Variants in WWOX observed in about 807,000 individuals in gnomAD.
WWOX encodes the protein WW domain containing oxidoreductase, also known as WW domain-containing oxidoreductase.
Under a neutral mutation model 46.2 loss-of-function variants are expected in WWOX, and 69 were observed. The observed-to-expected ratio is 1.49, with a 90% CI of 1.23 to 1.82. WWOX has a LOEUF of 1.82. Ranked by LOEUF, WWOX falls within the 40% of genes most tolerant of loss-of-function variation. WWOX has a pLI of 0.00. For synonymous variants in WWOX, 359 were observed against 202.6 expected (o/e 1.77, Z -6.56); for missense variants, 919 against 542.6 (o/e 1.69, Z -6.89).
chr16:78,394,922 A>T (rs138904386), intron 6 of WWOX, among the ~76,000 whole-genome samples: 1 of 152,290 alleles, frequency 6.6e-6, no homozygotes, highest in East Asian at 1.9e-4. Flanking sequence ...GCTTTGGGCA[A>T]ACTACTGAAA....
At chr16:78,470,277 G>T (rs2151433907) in intron 8 of WWOX, among the ~76,000 whole-genome samples, 1 of 152,326 alleles carries the variant, frequency 6.6e-6, no homozygotes. Flanking sequence ...TGAACTCCAG[G>T]AGGCTAGGAA....
intron 8 of WWOX, among the ~76,000 whole-genome samples, chr16:78,900,067 T>G: frequency 9.9e-6 from 1 of 101,114 alleles, no homozygotes; most frequent in Non-Finnish European, 2.0e-5. Context: ...CTTTTTTTTT[T>G]TTTTTTTTTT....
chr16:78,930,948 T>A (rs1034935041), intron 8 of WWOX, among the ~76,000 whole-genome samples: 15 of 152,188 alleles, frequency 9.9e-5, no homozygotes, highest in African/African-American at 3.6e-4. Flanking sequence ...CTAGTACCCT[T>A]ATGAACCTGG....
At chr16:79,167,784 G>A (rs1426495228) in intron 8 of WWOX, among the ~76,000 whole-genome samples, 1 of 152,192 alleles carries the variant, frequency 6.6e-6, no homozygotes, top group Non-Finnish European at 1.5e-5. Context: ...CCATTTTAAA[G>A]TGTACACTTC....
Position 78,870,533 on chromosome 16 carries a change from C to A in WWOX, c.1057-341075C>A, listed in dbSNP as rs553543507. On this transcript the variant is annotated intron_variant, in intron 8 of 8. Coordinates refer to ENST00000566780, the MANE Select transcript of WWOX (RefSeq NM_016373.4). ...AAAAAAACAAAAAACCCTTACTGAT[C>A]TTTTAAATATGTAATTCTTCCTCCT... Among the ~76,000 whole-genome samples the A allele has an allele frequency of 2.6e-5, 4 of 152,084 alleles. No individual in the cohort carries two copies. The South Asian group carries it at 8.3e-4, about 32-fold the overall frequency.
At chr16:78,865,853 T>C (rs1597079783) in intron 8 of WWOX, among the ~76,000 whole-genome samples, 1 of 152,242 alleles carries the variant, frequency 6.6e-6, no homozygotes, top group African/African-American at 2.4e-5. Flanking sequence ...CACTCCAGCC[T>C]GGGCGATGAG....
At position 78,432,898 on chromosome 16, in the gene WWOX, A is replaced by G. The variant is rs2083258777; in HGVS notation, c.1056+146A>G. The G allele has an allele frequency of 3.9e-6, 5 of 1,288,080 alleles. No homozygotes were observed. The African/African-American group carries it at 4.4e-5, about 11-fold the overall frequency. The allele number at this position is 1,288,080 out of a possible 1,614,324, so 79.8% of individuals were successfully genotyped here. On this transcript the variant is annotated intron_variant, in intron 8 of 8. Coordinates refer to ENST00000566780, the MANE Select transcript of WWOX (RefSeq NM_016373.4). Reference sequence around the variant, plus strand: ...CCCATCATAAAGGGCTCTTGAACACATTTTCATCAACTTTAGGTTAAGTCT... The same window carrying G: ...CCCATCATAAAGGGCTCTTGAACACGTTTTCATCAACTTTAGGTTAAGTCT...
intron 5 of WWOX, among the ~76,000 whole-genome samples, chr16:78,190,831 G>T (rs774725624): frequency 1.3e-5 from 2 of 152,120 alleles, no homozygotes; most frequent in Admixed American, 6.5e-5. Context: ...GGAGAATGCT[G>T]GACAGGCTGC....
chr16:78,793,444 A>C (rs572684328), intron 8 of WWOX, among the ~76,000 whole-genome samples: 5 of 152,266 alleles, frequency 3.3e-5, no homozygotes, highest in African/African-American at 1.2e-4. Flanking sequence ...CAAATTGAAC[A>C]TTGACTTTCC....
At chr16:78,127,800 GTTTTA>G (rs1597238936) in intron 4 of WWOX, among the ~76,000 whole-genome samples, 1 of 152,140 alleles carries the variant, frequency 6.6e-6, no homozygotes, top group East Asian at 1.9e-4. Context: ...TTTGAATATA[GTTTTA>G]TTGCCACTTA....
chr16:78,850,641 T>C (rs2052419605), intron 8 of WWOX, among the ~76,000 whole-genome samples: 1 of 152,202 alleles, frequency 6.6e-6, no homozygotes, highest in Admixed American at 6.5e-5. Flanking sequence ...TTGTTCACCA[T>C]TGTTGAAGCT....
intron 8 of WWOX, among the ~76,000 whole-genome samples, chr16:78,871,449 C>T (rs1351070652): frequency 2.0e-5 from 3 of 152,294 alleles, no homozygotes; most frequent in East Asian, 3.9e-4. Context: ...TTGTGTCCAC[C>T]ACAGTTTCCA....
chr16:79,145,763 A>G (rs2050172548), intron 8 of WWOX, among the ~76,000 whole-genome samples: 1 of 152,222 alleles, frequency 6.6e-6, no homozygotes, highest in East Asian at 1.9e-4. Context: ...GGCTAGATGT[A>G]AGGTAAATAT....
intron 8 of WWOX, among the ~76,000 whole-genome samples, chr16:79,135,904 G>C (rs1445773829): frequency 6.6e-6 from 1 of 152,022 alleles, no homozygotes; most frequent in East Asian, 1.9e-4. Context: ...CTTTCTATAA[G>C]ATTGCTCTCA....
intron 8 of WWOX, among the ~76,000 whole-genome samples, chr16:78,937,180 T>C (rs1156295829): frequency 2.0e-5 from 3 of 152,122 alleles, no homozygotes; most frequent in Non-Finnish European, 2.9e-5. Flanking sequence ...AACATACATA[T>C]GGATTTTTGG....
intron 5 of WWOX, among the ~76,000 whole-genome samples, chr16:78,192,491 CA>C (rs56109773): frequency 7.1e-4 from 62 of 87,500 alleles, no homozygotes; most frequent in African/African-American, 1.7e-3. Flanking sequence ...GACTCCGTCT[CA>C]AAAAAAAAAA....
At chr16:78,959,585 T>C (rs145291733) in intron 8 of WWOX, among the ~76,000 whole-genome samples, 168 of 152,244 alleles carry the variant, frequency 1.1e-3, no homozygotes, top group Non-Finnish European at 2.0e-3. Context: ...TTCTAGGTTG[T>C]GAGAACCCGT....
intron 6 of WWOX, among the ~76,000 whole-genome samples, chr16:78,411,183 A>C (rs533031749): frequency 6.6e-6 from 1 of 152,332 alleles, no homozygotes; most frequent in South Asian, 2.1e-4. Flanking sequence ...AGGGGATTAC[A>C]CAAAAGTATG....
intron 6 of WWOX, among the ~76,000 whole-genome samples, chr16:78,422,973 C>T (rs1234548571): frequency 6.7e-6 from 1 of 149,890 alleles, no homozygotes; most frequent in Non-Finnish European, 1.5e-5. Flanking sequence ...ACAACCTCTG[C>T]CTCCTGGGTT....
Sources: allele counts gnomAD v4.1 joint callset (sites outside exome capture counted in the v4.1 genomes callset), GRCh38; gene constraint gnomAD v4.1.1; transcripts MANE v1.5; gene names NCBI Gene and HGNC (gene_info 2026-07-23, HGNC 2026-07-21).